The following FAM13A variants were observed in gnomAD, a reference collection of about 807,000 sequenced individuals.
FAM13A encodes the protein protein FAM13A.
A neutral mutation model predicts 129.6 loss-of-function variants in FAM13A; 76 were observed. The observed-to-expected ratio is 0.59, with a 90% CI of 0.49 to 0.71. The LOEUF (loss-of-function observed/expected upper bound fraction) is 0.71, where lower values mean the gene tolerates loss of function less well. Among genes scored for constraint, FAM13A ranks in the 30% least tolerant of loss-of-function variants. The pLI is 0.00. For missense variants in FAM13A, 1,108 were observed against 1,249.3 expected, an observed-to-expected ratio of 0.89 and a Z score of 1.70; for synonymous variants, 443 against 449.9, an observed-to-expected ratio of 0.98 and a Z score of 0.20.
chr4:88,834,733 A>C (rs1299077667), intron 7 of FAM13A, among the ~76,000 whole-genome samples: 1 of 152,226 alleles, frequency 6.6e-6, no homozygotes, highest in Non-Finnish European at 1.5e-5. Context: ...CTCTGGAAAT[A>C]ATATCATCCT....
intron 3 of FAM13A, among the ~76,000 whole-genome samples, chr4:89,008,796 T>G (rs891674746): frequency 6.6e-6 from 1 of 152,336 alleles, no homozygotes; most frequent in African/African-American, 2.4e-5. Context: ...TAAATTGTGA[T>G]TAAAGAAATA....
intron 7 of FAM13A, chr4:88,823,233 A>C: frequency 7.4e-7 from 1 of 1,345,006 alleles, no homozygotes; most frequent in Non-Finnish European, 9.5e-7. Flanking sequence ...CTACATTTAC[A>C]CTGCAGTCCA....
At chr4:89,056,793 A>G in intron 1 of FAM13A, 145 bp downstream of exon 1, 3 of 756,534 alleles carry the variant, frequency 4.0e-6, no homozygotes, top group Non-Finnish European at 6.5e-6. Context: ...CCATTTAAGT[A>G]GATAGGAATT....
chr4:88,737,338 T>G (rs1375963097), intron 21 of FAM13A, 134 bp downstream of exon 21: 1 of 721,504 alleles, frequency 1.4e-6, no homozygotes, highest in African/African-American at 1.8e-5. Context: ...ATGTAGCTAC[T>G]GATTTTTAGG....
intron 3 of FAM13A, among the ~76,000 whole-genome samples, chr4:89,003,905 AAAC>A (rs149717565): frequency 0.054 from 8,203 of 152,236 alleles, 314 homozygotes; most frequent in South Asian, 0.22. Flanking sequence ...GCAAATACCA[AAAC>A]AATAGCTAAA....
At chr4:89,028,584 G>T (rs981011427) in intron 2 of FAM13A, among the ~76,000 whole-genome samples, 6 of 152,096 alleles carry the variant, frequency 3.9e-5, no homozygotes, top group African/African-American at 1.4e-4. Flanking sequence ...CCAGCTACTC[G>T]CGAGGCTAAG....
chr4:88,994,647 C>T (rs1212994671), intron 3 of FAM13A, among the ~76,000 whole-genome samples: 1 of 152,060 alleles, frequency 6.6e-6, no homozygotes, highest in Non-Finnish European at 1.5e-5. Flanking sequence ...TGAGACCAGC[C>T]TGGGCAACAT....
intron 4 of FAM13A, among the ~76,000 whole-genome samples, chr4:88,941,668 C>T (rs2148826802): frequency 6.6e-6 from 1 of 152,292 alleles, no homozygotes; most frequent in South Asian, 2.1e-4. Context: ...GCTAACCTCC[C>T]CTTTAAGTGG....
intron 4 of FAM13A, among the ~76,000 whole-genome samples, chr4:88,939,660 G>C (rs193102634): frequency 6.2e-4 from 94 of 152,254 alleles, no homozygotes; most frequent in African/African-American, 2.2e-3. Flanking sequence ...AATATGATTT[G>C]GCAAAGGTGA....
intron 13 of FAM13A, among the ~76,000 whole-genome samples, chr4:88,766,396 A>G (rs1165635028): frequency 6.6e-6 from 1 of 152,174 alleles, no homozygotes; most frequent in Non-Finnish European, 1.5e-5. Context: ...AGATGAAAAA[A>G]GTGGCTCAGA....
chr4:88,801,005 A>G (rs544299328), intron 8 of FAM13A, among the ~76,000 whole-genome samples: 118 of 152,282 alleles, frequency 7.7e-4, no homozygotes, highest in Admixed American at 7.7e-3. Context: ...TCTTAAGGAG[A>G]AAAACAAACT....
In FAM13A at chr4:88,881,246, T is replaced by C. The variant is rs554664318; in HGVS notation, c.843+25133A>G. Among the ~76,000 whole-genome samples the C allele has an allele frequency of 2.0e-5, 3 of 152,334 alleles. No individual in the cohort carries two copies. The East Asian group carries it at 5.8e-4, about 29-fold the overall frequency. On this transcript the variant is annotated intron_variant, in intron 6 of 23. Coordinates refer to ENST00000264344, the MANE Select transcript of FAM13A (RefSeq NM_014883.4). ...CACTTCACTCTCCTGCTACTTTCAC[T>C]TAAGTGGGGGCTCGTATCCATGTCT...
At chr4:88,936,930 GT>G (rs1753947859) in intron 5 of FAM13A, 1 of 152,152 alleles carries the variant, frequency 6.6e-6, no homozygotes, top group African/African-American at 2.4e-5. Context: ...CCTTTTCAAA[GT>G]ACCATAGGCA....
chr4:88,906,189 G>A (rs1367436634), intron 6 of FAM13A, among the ~76,000 whole-genome samples, 190 bp downstream of exon 6: 1 of 152,202 alleles, frequency 6.6e-6, no homozygotes, highest in East Asian at 1.9e-4. Flanking sequence ...CCCAGAGGCT[G>A]ATGCAGGAGA....
At chr4:88,912,083 G>C (rs1473664196) in intron 5 of FAM13A, among the ~76,000 whole-genome samples, 1 of 152,198 alleles carries the variant, frequency 6.6e-6, no homozygotes, top group Non-Finnish European at 1.5e-5. Flanking sequence ...GACATCACTG[G>C]TAGGTGGCTT....
chr4:88,930,009 G>A (rs1254250063), intron 5 of FAM13A, among the ~76,000 whole-genome samples: 2 of 152,000 alleles, frequency 1.3e-5, no homozygotes, highest in African/African-American at 4.8e-5. Context: ...AAAGTGCTGG[G>A]ATTATACAGG....
At chr4:88,897,364 AATAGAT>A (rs1746529566) in intron 6 of FAM13A, among the ~76,000 whole-genome samples, 1 of 152,188 alleles carries the variant, frequency 6.6e-6, no homozygotes, top group Admixed American at 6.5e-5. Context: ...GGCACTGTGT[AATAGAT>A]GTATCATCTT....
intron 4 of FAM13A, among the ~76,000 whole-genome samples, chr4:88,955,863 T>C (rs1050086637): frequency 1.3e-5 from 2 of 152,130 alleles, no homozygotes; most frequent in African/African-American, 4.8e-5. Context: ...GCATAAAAGT[T>C]TGGGAAATTT....
At chr4:88,858,375 A>G (rs983125095) in intron 6 of FAM13A, among the ~76,000 whole-genome samples, 1 of 152,234 alleles carries the variant, frequency 6.6e-6, no homozygotes, top group African/African-American at 2.4e-5. Context: ...GTAGGAATTA[A>G]GGTAGAAGAC....
Sources: gnomAD v4.1 joint callset for allele counts (sites outside exome capture counted in the v4.1 genomes callset) on GRCh38, gnomAD v4.1.1 for gene constraint, MANE v1.5 for transcripts, NCBI Gene and HGNC (gene_info 2026-07-23, HGNC 2026-07-21) for gene names.